The following OTOP2 variants were observed in gnomAD, a reference collection of about 807,000 sequenced individuals.
OTOP2 encodes the protein proton channel OTOP2.
Under a neutral mutation model 47.4 loss-of-function variants are expected in OTOP2, and 41 were observed. That is an observed-to-expected ratio of 0.87 (90% CI 0.67 to 1.12). OTOP2 has a LOEUF of 1.12. OTOP2 is among the 50% of genes most tolerant of loss of function. OTOP2 has a pLI of 0.00. For missense variants in OTOP2, 721 were observed against 752.2 expected (o/e 0.96, Z 0.49); for synonymous variants, 328 against 319.6 (o/e 1.03, Z -0.28).
rs768005433 is a variant in OTOP2, at chr17:74,933,404, C to T, written c.1548C>T (p.Arg516=). The change falls in exon 7 of 7, where the codon CGC becomes CGT. Residue 516 remains arginine (R), a synonymous_variant. Transcript: ENST00000331427. This position sits in a 1 kb window ranked among gnomAD's most constrained non-coding sequence, Gnocchi z 4.7. ...GGATCATGCCTGCCTTCGGGGCCCG[C>T]CCTCATTTCAGCAACACAGTGGAGG... ...ILWIMPAFGA[R]PHFSNTVEVD... is the part of the protein sequence containing the mutation. 4.3e-6 allele frequency: 7 copies of T among 1,613,024 alleles called. No individual in the cohort carries two copies. In the Admixed American group the frequency reaches 1.2e-4, roughly 27 times the overall value.
At position 74,924,901 on chromosome 17, in the gene OTOP2, C is replaced by A; in HGVS notation, c.269C>A (p.Ala90Glu). The A allele has an allele frequency of 6.3e-7, 1 of 1,592,152 alleles. No homozygotes were observed. The highest frequency in any genetic ancestry group is 8.5e-7 in the Non-Finnish European group (1 of 1,170,086). ...CTCCGAACCGTGCGCTGCCCCTGCG[C>A]GGTACCCTACCGGGACGCGCACGCT... ...YLLRTVRCPC[A>E]VPYRDAHAGP... The change falls in exon 2 of 7, where the codon GCG becomes GAG. Residue 90 changes from alanine (A) to glutamate (E), a missense_variant. Ala to Glu is a moderately radical substitution (Grantham distance 107, BLOSUM62 -1). Coordinates refer to ENST00000331427, the MANE Select transcript of OTOP2 (RefSeq NM_178160.3). The surrounding 1 kb of genome is among the most constrained non-coding windows in gnomAD (Gnocchi z 7.7).
intron 3 of OTOP2, 66 bp from the exon 4 acceptor site, chr17:74,927,157 C>G: frequency 7.1e-7 from 1 of 1,407,584 alleles, no homozygotes; most frequent in Non-Finnish European, 1.0e-6. Context: ...ATGGCATGGA[C>G]TTGGGTGCGC....
Position 74,930,198 on chromosome 17 carries a change from A to G in OTOP2, c.644-81A>G. The G allele has an allele frequency of 6.8e-7, 1 of 1,477,336 alleles. No homozygotes were observed. The highest frequency in any genetic ancestry group is 9.0e-7 in the Non-Finnish European group (1 of 1,106,592). The allele number at this position is 1,477,336 out of a possible 1,614,324, so 91.5% of individuals were successfully genotyped here. ...AACTCCGTCTCAAAACAAAACAAAA[A>G]AAAAAAGGTCACAGGCTAGGGGTGA... On this transcript the variant is annotated intron_variant, in intron 5 of 6. Transcript: ENST00000331427. The surrounding 1 kb of genome is among the most constrained non-coding windows in gnomAD (Gnocchi z 4.0).
Position 74,924,577 on chromosome 17 carries a change from T to G in OTOP2, c.-33-23T>G. 3 of 1,448,882 alleles carry G rather than the reference T, an allele frequency of 2.1e-6. No homozygotes were observed. Among genetic ancestry groups the G allele is most frequent in the Non-Finnish European group, 2.7e-6 (3 of 1,102,184 alleles). The allele number at this position is 1,448,882 out of a possible 1,614,324, so 89.8% of individuals were successfully genotyped here. A position where few individuals can be genotyped will look rare whatever the true frequency, so the allele number is the denominator to read the frequency against. On this transcript the variant is annotated intron_variant, in intron 1 of 6. Coordinates refer to ENST00000331427, the MANE Select transcript of OTOP2 (RefSeq NM_178160.3). The surrounding 1 kb of genome is among the most constrained non-coding windows in gnomAD (Gnocchi z 7.7). ...GAGAGCCGTCAGGGTTGACCTGGAG[T>G]TTTGTCCGCTCCTCCCCTACAGTGA... is the stretch of plus-strand genomic sequence containing the variant.
chr17:74,927,156 A>G, intron 3 of OTOP2, 67 bp from the exon 4 acceptor site: 1 of 1,395,214 alleles, frequency 7.2e-7, no homozygotes, highest in African/African-American at 1.4e-5. Flanking sequence ...GATGGCATGG[A>G]CTTGGGTGCG....
rs920422410 is a variant in OTOP2, at chr17:74,933,568, G to A, written c.*23G>A. The A allele has an allele frequency of 3.9e-6, 6 of 1,556,722 alleles. No homozygotes were observed. The highest frequency in any genetic ancestry group is 5.3e-6 in the Non-Finnish European group (6 of 1,139,948). On this transcript the variant is annotated 3_prime_UTR_variant, in exon 7 of 7. Coordinates refer to ENST00000331427, the MANE Select transcript of OTOP2 (RefSeq NM_178160.3). The surrounding 1 kb of genome is among the most constrained non-coding windows in gnomAD (Gnocchi z 4.7). ...TGAGGCCTCCAACAGAGGCATGGGG[G>A]GCAGGAAGAGGGGGCTCAGCTCATG...
intron 3 of OTOP2, 99 bp downstream of exon 3, chr17:74,925,791 G>C: frequency 6.5e-7 from 1 of 1,527,162 alleles, no homozygotes; most frequent in Non-Finnish European, 8.9e-7. Flanking sequence ...CATCCGCCTC[G>C]TATCCTGAGC....
intron 6 of OTOP2, among the ~76,000 whole-genome samples, chr17:74,931,538 TG>T (rs376294745): frequency 5.3e-5 from 8 of 152,268 alleles, no homozygotes; most frequent in African/African-American, 1.9e-4. Flanking sequence ...TCAGAATAAT[TG>T]GAACAGTGTC....
At chr17:74,926,044 C>T (rs2039005290) in intron 3 of OTOP2, among the ~76,000 whole-genome samples, 1 of 152,374 alleles carries the variant, frequency 6.6e-6, no homozygotes, top group East Asian at 1.9e-4. Context: ...TCAGCCCAGG[C>T]TCCTGCCAGC....
At chr17:74,927,455 C>A in intron 4 of OTOP2, 174 bp downstream of exon 4, 1 of 1,033,808 alleles carries the variant, frequency 9.7e-7, no homozygotes, top group South Asian at 1.5e-5. Context: ...GCCCTTTCTC[C>A]CAGGGGAGGG....
In OTOP2 at chr17:74,930,281, C is replaced by A. The variant is rs1313900869; in HGVS notation, c.646C>A (p.His216Asn). The change falls in exon 6 of 7, where the codon CAT becomes AAT. Residue 216 changes from histidine to asparagine, a missense_variant and splice_region_variant. His to Asn is a moderately conservative substitution (Grantham distance 68). Transcript: ENST00000331427. The surrounding 1 kb of genome is among the most constrained non-coding windows in gnomAD (Gnocchi z 4.0). ...ASHARLISDQ[H>N]ADNPVGGDSC... ...CCCTGTGTCTCTCTCCACAACAGAG[C>A]ATGCAGACAACCCGGTCGGAGGAGA... is the stretch of plus-strand genomic sequence containing the variant. The A allele has an allele frequency of 1.9e-6, 3 of 1,610,980 alleles. No homozygotes were observed. The highest frequency in any genetic ancestry group is 2.5e-6 in the Non-Finnish European group (3 of 1,177,768).
In OTOP2 at chr17:74,924,960, G is replaced by A; in HGVS notation, c.313+15G>A. ...CTGGCTCCGAGGTGCCAGGGGAGGT[G>A]GGGGCGAGGTAGGGTGGGCACAACA... On this transcript the variant is annotated intron_variant, in intron 2 of 6. Coordinates refer to ENST00000331427, the MANE Select transcript of OTOP2 (RefSeq NM_178160.3). This position sits in a 1 kb window ranked among gnomAD's most constrained non-coding sequence, Gnocchi z 7.7. 1 of 1,540,414 alleles carries A rather than the reference G, an allele frequency of 6.5e-7. No individual in the cohort carries two copies. The highest frequency in any genetic ancestry group is 8.8e-7 in the Non-Finnish European group (1 of 1,140,544).
intron 4 of OTOP2, 43 bp downstream of exon 4, chr17:74,927,324 T>C: frequency 6.4e-7 from 1 of 1,573,676 alleles, no homozygotes; most frequent in Non-Finnish European, 8.7e-7. Flanking sequence ...GTGCTGGTGT[T>C]CACCTTGCAG....
Position 74,924,827 on chromosome 17 carries a change from G to A in OTOP2, c.195G>A (p.Leu65=). 6.2e-7 allele frequency: 1 copy of A among 1,610,876 alleles called. No homozygotes were observed. ...VAVYDTDVFA[L]LTAMMLLATL... ...TGTACGACACCGACGTGTTCGCGCT[G>A]CTCACTGCGATGATGCTGCTGGCAA... The change falls in exon 2 of 7, where the codon CTG becomes CTA. Residue 65 remains leucine, a synonymous_variant. Transcript: ENST00000331427. The surrounding 1 kb of genome is among the most constrained non-coding windows in gnomAD (Gnocchi z 7.7).
intron 3 of OTOP2, 23 bp downstream of exon 3, chr17:74,925,715 G>A: frequency 1.2e-6 from 2 of 1,613,650 alleles, no homozygotes; most frequent in Non-Finnish European, 1.7e-6. Context: ...GTGTCGCTGT[G>A]TGGAAGAAAG....
Position 74,930,880 on chromosome 17 carries a change from C to G in OTOP2, c.1245C>G (p.Thr415=). 1 of 1,614,102 alleles carries G rather than the reference C, an allele frequency of 6.2e-7. No homozygotes were observed. The highest frequency in any genetic ancestry group is 8.5e-7 in the Non-Finnish European group (1 of 1,180,028). The change falls in exon 6 of 7, where the codon ACC becomes ACG. Residue 415 remains threonine (T), a synonymous_variant. Transcript: ENST00000331427. This position sits in a 1 kb window ranked among gnomAD's most constrained non-coding sequence, Gnocchi z 4.0. ...THALLMIAQH[T]FQNMFIIESL... ...CACTGCTCATGATCGCCCAGCACAC[C>G]TTCCAGAACATGTTTATCATCGAGA...
chr17:74,925,501 C>T, intron 2 of OTOP2, 55 bp from the exon 3 acceptor site: 1 of 1,596,838 alleles, frequency 6.3e-7, no homozygotes, highest in South Asian at 1.1e-5. Flanking sequence ...CTCGGCAGGC[C>T]TTCTCTCCTG....
Position 74,925,706 on chromosome 17 carries a change from T to A in OTOP2, c.450+14T>A, listed in dbSNP as rs375410675. The stretch of plus-strand genomic sequence containing the variant: ...GTCATCATCCAGGTGGGTGGAGGAG[T>A]GTCGCTGTGTGGAAGAAAGGAGCTA... On this transcript the variant is annotated intron_variant, in intron 3 of 6. Transcript: ENST00000331427. 2.7e-4 allele frequency: 437 copies of A among 1,613,374 alleles called. 1 individual carries two copies. The highest frequency in any genetic ancestry group is 3.3e-4 in the Non-Finnish European group (392 of 1,179,808).
In OTOP2 at chr17:74,924,945, G is replaced by A; in HGVS notation, c.313G>A (p.Gly105Ser). The A allele has an allele frequency of 6.4e-7, 1 of 1,553,602 alleles. No homozygotes were observed. The highest frequency in any genetic ancestry group is 8.7e-7 in the Non-Finnish European group (1 of 1,147,210). ...GCACGCTGGCCCCATCTGGCTCCGA[G>A]GTGCCAGGGGAGGTGGGGGCGAGGT... The part of the protein sequence containing the change: ...DAHAGPIWLR[G>S]GLVLFGICTL... The change falls in exon 2 of 7, where the codon GGT becomes AGT. Residue 105 changes from glycine to serine, a missense_variant and splice_region_variant. Physicochemically the swap from Gly to Ser is moderately conservative, Grantham distance 56. Transcript: ENST00000331427. The surrounding 1 kb of genome is among the most constrained non-coding windows in gnomAD (Gnocchi z 7.7).
Sources: allele counts gnomAD v4.1 joint callset (sites outside exome capture counted in the v4.1 genomes callset), GRCh38; gene constraint gnomAD v4.1.1; non-coding constraint Gnocchi (gnomAD v3.1); transcripts MANE v1.5; gene names NCBI Gene and HGNC (gene_info 2026-07-23, HGNC 2026-07-21).